Variants in TMEM135 observed in about 807,000 individuals in gnomAD.
The protein encoded by TMEM135 is peroxisomal membrane protein 52.
In TMEM135, 30 loss-of-function variants were observed where a neutral mutation model predicts 60.3. The observed-to-expected ratio is 0.50, with a 90% confidence interval of 0.37 to 0.68. The LOEUF (loss-of-function observed/expected upper bound fraction) is 0.68. Among genes scored for constraint, TMEM135 ranks in the 30% least tolerant of loss-of-function variants. The pLI, the probability that TMEM135 is intolerant of heterozygous loss-of-function variation, is 0.00. For missense variants in TMEM135, 468 were observed against 548.8 expected, an observed-to-expected ratio of 0.85 and a Z score of 1.47; for synonymous variants, 190 against 186.7, an observed-to-expected ratio of 1.02 and a Z score of -0.14.
intron 6 of TMEM135, among the ~76,000 whole-genome samples, chr11:87,280,142 GAAC>G (rs1168481899): frequency 6.6e-6 from 1 of 152,110 alleles, no homozygotes; most frequent in Non-Finnish European, 1.5e-5. Flanking sequence ...TTAAAATAAA[GAAC>G]AAAGTATATG....
At chr11:87,203,841 C>T (rs1940175982) in intron 5 of TMEM135, among the ~76,000 whole-genome samples, 1 of 152,124 alleles carries the variant, frequency 6.6e-6, no homozygotes, top group South Asian at 2.1e-4. Flanking sequence ...AATGAGAGTT[C>T]CTGTTGTTTC....
At chr11:87,317,970 A>G (rs2134534449) in intron 12 of TMEM135, among the ~76,000 whole-genome samples, 167 bp from the exon 13 acceptor site, 1 of 152,266 alleles carries the variant, frequency 6.6e-6, no homozygotes, top group East Asian at 1.9e-4. Flanking sequence ...CTGTGAGGGA[A>G]AGGGAAGGGC....
chr11:87,252,722 G>C (rs1941442016), intron 6 of TMEM135, among the ~76,000 whole-genome samples: 2 of 147,640 alleles, frequency 1.4e-5, no homozygotes, highest in East Asian at 4.0e-4. Flanking sequence ...GGTGAGCCAA[G>C]ATCACACCAT....
At position 87,079,406 on chromosome 11, in the gene TMEM135, G is replaced by A. The variant is rs139186174; in HGVS notation, c.362+7791G>A. ...GGTAGTGTGAAGTAGAGAGTATTAA[G>A]TTTTAAATTTCATTTTCCACATTTG... On this transcript the variant is annotated intron_variant, in intron 3 of 14. Coordinates refer to ENST00000305494, the MANE Select transcript of TMEM135 (RefSeq NM_022918.4). Among the ~76,000 whole-genome samples the A allele has an allele frequency of 2.0e-5, 3 of 152,232 alleles. No homozygotes were observed. In the East Asian group the frequency reaches 5.8e-4, roughly 29 times the overall value.
chr11:87,283,492 T>A (rs1464213852), intron 6 of TMEM135, among the ~76,000 whole-genome samples: 1 of 152,244 alleles, frequency 6.6e-6, no homozygotes, highest in Non-Finnish European at 1.5e-5. Flanking sequence ...TTTGAATAGC[T>A]GCTCATTTTG....
chr11:87,212,467 A>G (rs1214006436), intron 5 of TMEM135, among the ~76,000 whole-genome samples: 1 of 152,222 alleles, frequency 6.6e-6, no homozygotes, highest in Non-Finnish European at 1.5e-5. Flanking sequence ...GAAAGGGAGA[A>G]CAAAGGGTTG....
chr11:87,073,512 A>C (rs1856811694), intron 3 of TMEM135, among the ~76,000 whole-genome samples: 1 of 152,202 alleles, frequency 6.6e-6, no homozygotes, highest in Non-Finnish European at 1.5e-5. Context: ...CCAGGAACAT[A>C]GGTTACTCCA....
chr11:87,198,388 G>C (rs1035152617), intron 5 of TMEM135, among the ~76,000 whole-genome samples: 1 of 152,014 alleles, frequency 6.6e-6, no homozygotes, highest in African/African-American at 2.4e-5. Context: ...GAGTATTCTA[G>C]GGAAAAACAA....
chr11:87,183,459 T>C (rs1281817525), intron 5 of TMEM135, among the ~76,000 whole-genome samples: 1 of 151,936 alleles, frequency 6.6e-6, no homozygotes, highest in Non-Finnish European at 1.5e-5. Context: ...AATTTTTTTG[T>C]TATTTGTTTT....
intron 1 of TMEM135, among the ~76,000 whole-genome samples, chr11:87,053,191 CAAA>C (rs71274420): frequency 1.4e-3 from 101 of 72,246 alleles, no homozygotes; most frequent in Admixed American, 3.0e-3. Flanking sequence ...GGAGGGATAG[CAAA>C]AAAAAAAAAA....
At chr11:87,317,164 C>T (rs1426086371) in intron 12 of TMEM135, among the ~76,000 whole-genome samples, 7 of 151,882 alleles carry the variant, frequency 4.6e-5, no homozygotes. Flanking sequence ...GGTTTCTGTC[C>T]TTCATTAACT....
intron 5 of TMEM135, among the ~76,000 whole-genome samples, chr11:87,216,469 C>T (rs1385112064): frequency 6.6e-6 from 1 of 151,992 alleles, no homozygotes; most frequent in Non-Finnish European, 1.5e-5. Context: ...CATGTATTCC[C>T]AGAGTTTTGC....
chr11:87,094,366 T>C (rs1203344566), intron 4 of TMEM135, among the ~76,000 whole-genome samples: 1 of 152,204 alleles, frequency 6.6e-6, no homozygotes, highest in Non-Finnish European at 1.5e-5. Flanking sequence ...CTAGGACCAA[T>C]TCTGTGTTTG....
At chr11:87,070,205 C>T (rs1856748912) in intron 2 of TMEM135, among the ~76,000 whole-genome samples, 1 of 151,940 alleles carries the variant, frequency 6.6e-6, no homozygotes, top group African/African-American at 2.4e-5. Flanking sequence ...TTATATATAT[C>T]TATCTATATA....
chr11:87,206,849 T>C (rs1940246244), intron 5 of TMEM135, among the ~76,000 whole-genome samples: 1 of 152,172 alleles, frequency 6.6e-6, no homozygotes, highest in African/African-American at 2.4e-5. Flanking sequence ...CTTGAAATTA[T>C]CTCTGTGCCT....
At position 87,275,980 on chromosome 11, in the gene TMEM135, A is replaced by G. The variant is rs142512462; in HGVS notation, c.510-19802A>G. ...CCTGGCCGCTAGTGTGGATTTTAAC[A>G]TTGTCCTTCTGCCTTCCTCTACTGC... On this transcript the variant is annotated intron_variant, in intron 6 of 14. Coordinates refer to ENST00000305494, the MANE Select transcript of TMEM135 (RefSeq NM_022918.4). Among the ~76,000 whole-genome samples the G allele has an allele frequency of 3.0e-3, 454 of 152,150 alleles. 2 individuals are homozygous for G. In the East Asian group the frequency reaches 0.042, roughly 14 times the overall value.
At chr11:87,239,751 GTT>G (rs11304555) in intron 6 of TMEM135, among the ~76,000 whole-genome samples, 3,696 of 147,812 alleles carry the variant, frequency 0.025, 125 homozygotes, top group East Asian at 0.11. Context: ...AAATATGCCA[GTT>G]TTTTTTTTTT....
rs1167939748 is a variant in TMEM135, at chr11:87,322,243, C to A, written c.*910C>A. 2.2e-6 allele frequency: 1 copy of A among 454,324 alleles called. No homozygotes were observed. 28.1% of individuals were successfully genotyped at this position (454,324 alleles called of 1,614,324 possible). ...TAGAAGGGATCAAAATCCTATGGAA[C>A]AAAGTAGTCTTGGCAAGTTGGCAGT... On this transcript the variant is annotated 3_prime_UTR_variant, in exon 15 of 15. Coordinates refer to ENST00000305494, the MANE Select transcript of TMEM135 (RefSeq NM_022918.4).
intron 5 of TMEM135, among the ~76,000 whole-genome samples, chr11:87,225,913 A>T (rs539092381): frequency 3.5e-4 from 54 of 152,252 alleles, no homozygotes; most frequent in African/African-American, 1.2e-3. Flanking sequence ...ATTTATTATT[A>T]TGAATATTGT....
Sources: allele counts gnomAD v4.1 joint callset (sites outside exome capture counted in the v4.1 genomes callset), GRCh38; gene constraint gnomAD v4.1.1; transcripts MANE v1.5; gene names NCBI Gene and HGNC (gene_info 2026-07-23, HGNC 2026-07-21).